Variants in FAM20A observed in about 807,000 individuals in gnomAD.
FAM20A encodes the protein FAM20A golgi associated secretory pathway pseudokinase.
A neutral mutation model predicts 52.0 loss-of-function variants in FAM20A; 42 were observed. The ratio of observed to expected loss-of-function variants is 0.81; its 90% CI spans 0.63 to 1.04. The LOEUF (loss-of-function observed/expected upper bound fraction) is 1.04. Among genes scored for constraint, FAM20A ranks in the 50% least tolerant of loss-of-function variants. The pLI, the probability that FAM20A is intolerant of heterozygous loss-of-function variation, is 0.00. For synonymous variants in FAM20A, 304 were observed against 298.9 expected, an observed-to-expected ratio of 1.02 and a Z score of -0.18; for missense variants, 742 against 712.7, an observed-to-expected ratio of 1.04 and a Z score of -0.47.
At chr17:68,554,014 A>ACACACATATG (rs1568741301) in intron 3 of FAM20A, among the ~76,000 whole-genome samples, 4 of 77,352 alleles carry the variant, frequency 5.2e-5, no homozygotes, top group African/African-American at 2.3e-4. Flanking sequence ...ATGCATATAT[A>ACACACATATG]CATATATACA....
At chr17:68,585,166 C>A (rs1340303457) in intron 1 of FAM20A, among the ~76,000 whole-genome samples, 2 of 152,172 alleles carry the variant, frequency 1.3e-5, no homozygotes, top group African/African-American at 4.8e-5. Context: ...GGCCCTTAGA[C>A]CTGTGGCTTC....
chr17:68,549,525 T>G (rs1258007946), intron 4 of FAM20A, among the ~76,000 whole-genome samples: 3 of 152,080 alleles, frequency 2.0e-5, no homozygotes, highest in African/African-American at 7.2e-5. Context: ...AGACATCCTA[T>G]TGTGCCACAT....
intron 1 of FAM20A, among the ~76,000 whole-genome samples, chr17:68,594,361 T>G (rs2088392806): frequency 6.6e-6 from 1 of 150,618 alleles, no homozygotes; most frequent in African/African-American, 2.5e-5. Flanking sequence ...ATCGCGCCAC[T>G]GCACTCCAGC....
chr17:68,552,705 C>G (rs371679648), intron 3 of FAM20A, among the ~76,000 whole-genome samples: 1 of 80,382 alleles, frequency 1.2e-5, no homozygotes, highest in African/African-American at 4.8e-5. Context: ...GACGGAGTCT[C>G]GCTCTGTCGC....
Position 68,539,907 on chromosome 17 carries a change from T to C in FAM20A, c.1279A>G (p.Ile427Val). The C allele has an allele frequency of 6.2e-7, 1 of 1,614,132 alleles. No homozygotes were observed. Among genetic ancestry groups the C allele is most frequent in the Non-Finnish European group, 8.5e-7 (1 of 1,180,024 alleles). The change falls in exon 9 of 11, where the codon ATT becomes GTT. Residue 427 changes from isoleucine (I) to valine (V), a missense_variant. By Grantham distance (29) the Ile-to-Val change is conservative (BLOSUM62 3). Transcript: ENST00000592554. ...CACCCTCTGGCGTTGTCAAGGTGAA[T>C]AAGGAACCCATCATCCCCGAACTTG... ...FTKFGDDGFLIHLDNARGFGR... is the reference protein window; with the variant it reads ...FTKFGDDGFLVHLDNARGFGR...
chr17:68,590,685 A>G (rs186231650), intron 1 of FAM20A, among the ~76,000 whole-genome samples: 216 of 152,344 alleles, frequency 1.4e-3, no homozygotes, highest in African/African-American at 4.9e-3. Context: ...CAGCCATAGG[A>G]GTCAGTGACT....
intron 4 of FAM20A, among the ~76,000 whole-genome samples, chr17:68,548,420 T>C (rs2086668257): frequency 6.6e-6 from 1 of 151,930 alleles, no homozygotes; most frequent in Admixed American, 6.6e-5. Flanking sequence ...GTCCCAGCTA[T>C]TTGGAAGGCT....
At chr17:68,563,156 C>T (rs940369301) in intron 1 of FAM20A, among the ~76,000 whole-genome samples, 11 of 152,182 alleles carry the variant, frequency 7.2e-5, no homozygotes, top group East Asian at 3.9e-4. Flanking sequence ...GAGGCTGAGG[C>T]GGGCAGATCA....
At chr17:68,542,306 G>A in intron 6 of FAM20A, 141 bp from the exon 7 acceptor site, 1 of 962,684 alleles carries the variant, frequency 1.0e-6, no homozygotes, top group East Asian at 2.6e-5. Context: ...AGGAAACATT[G>A]ACTTTTCCAG....
At chr17:68,573,144 G>A (rs757320320) in intron 1 of FAM20A, among the ~76,000 whole-genome samples, 2 of 152,172 alleles carry the variant, frequency 1.3e-5, no homozygotes, top group Non-Finnish European at 2.9e-5. Context: ...ATTAGTGATG[G>A]GTTTGTGAAT....
chr17:68,539,235 C>T (rs2086187924), intron 10 of FAM20A, 102 bp downstream of exon 10: 2 of 1,108,052 alleles, frequency 1.8e-6, no homozygotes, highest in Non-Finnish European at 2.8e-6. Context: ...CCACTTACGT[C>T]CTGGACCAGT....
chr17:68,564,904 G>A (rs1435211511), intron 1 of FAM20A, among the ~76,000 whole-genome samples: 1 of 152,114 alleles, frequency 6.6e-6, no homozygotes, highest in Admixed American at 6.5e-5. Flanking sequence ...GAGGGGAGAC[G>A]GCTGTGACTC....
chr17:68,575,646 TA>T lies in FAM20A; in HGVS notation c.405-19904del, dbSNP rs2087732827. Among the ~76,000 whole-genome samples the T allele has an allele frequency of 3.5e-5, 4 of 114,426 alleles. No individual in the cohort carries two copies. In the South Asian group the frequency reaches 9.3e-4, roughly 26 times the overall value. The allele number at this position is 114,426 out of a possible 152,430, so 75.1% of individuals were successfully genotyped here. A position where few individuals can be genotyped will look rare whatever the true frequency, so the allele number is the denominator to read the frequency against. On this transcript the variant is annotated intron_variant, in intron 1 of 10. Coordinates refer to ENST00000592554, the MANE Select transcript of FAM20A (RefSeq NM_017565.4). Reference sequence around the variant, plus strand: ...ATATAAAATATAATATAGAATATTATATTTTATATATATTTTATATTTATAT... The same window carrying T: ...ATATAAAATATAATATAGAATATTATTTTTATATATATTTTATATTTATAT...
intron 1 of FAM20A, among the ~76,000 whole-genome samples, chr17:68,584,607 G>A (rs2088115834): frequency 6.6e-6 from 1 of 152,210 alleles, no homozygotes; most frequent in South Asian, 2.1e-4. Context: ...GACCATTCTG[G>A]TTCATCAGCT....
In FAM20A at chr17:68,600,505, C is replaced by T. The variant is rs539253546; in HGVS notation, c.162G>A (p.Ala54=). Residue 54 remains alanine (A), a synonymous_variant, in exon 1 of 11, where the codon GCG becomes GCA. Transcript: ENST00000592554. The surrounding 1 kb of genome is among the most constrained non-coding windows in gnomAD (Gnocchi z 6.2). ...CPCTGRASSL[A]RDSAAAASDP... ...CCGAGGCAGCTGCGGCCGAGTCCCG[C>T]GCCAGGGAGGAGGCGCGGCCGGTGC... The T allele has an allele frequency of 2.0e-5, 32 of 1,588,180 alleles. No individual in the cohort carries two copies. In the African/African-American group the frequency reaches 3.4e-4, roughly 17 times the overall value.
intron 3 of FAM20A, among the ~76,000 whole-genome samples, chr17:68,554,052 A>C (rs898028303): frequency 3.8e-5 from 5 of 130,296 alleles, no homozygotes; most frequent in Non-Finnish European, 6.2e-5. Flanking sequence ...ATATACACAT[A>C]TACACATATA....
intron 1 of FAM20A, among the ~76,000 whole-genome samples, chr17:68,582,880 G>A (rs758528765): frequency 3.0e-5 from 4 of 133,928 alleles, no homozygotes; most frequent in South Asian, 2.4e-4. Context: ...TGCAACCTCC[G>A]TCTCCCAGGT....
chr17:68,547,429 A>G (rs1023333601), intron 4 of FAM20A, among the ~76,000 whole-genome samples: 6 of 152,178 alleles, frequency 3.9e-5, no homozygotes, highest in South Asian at 2.1e-4. Flanking sequence ...TCTTCTTCCA[A>G]TAGAAGGCTG....
chr17:68,550,506 G>C (rs780990755), intron 4 of FAM20A, among the ~76,000 whole-genome samples: 1 of 150,400 alleles, frequency 6.6e-6, no homozygotes, highest in African/African-American at 2.4e-5. Flanking sequence ...TCAGCCTCTC[G>C]AGTAGCTGGG....
Sources: allele counts gnomAD v4.1 joint callset (sites outside exome capture counted in the v4.1 genomes callset), GRCh38; gene constraint gnomAD v4.1.1; non-coding constraint Gnocchi (gnomAD v3.1); transcripts MANE v1.5; gene names NCBI Gene and HGNC (gene_info 2026-07-23, HGNC 2026-07-21).